PFKP: variants seen among roughly 807,000 people sequenced by gnomAD.
PFKP encodes phosphofructokinase, platelet.
In PFKP, 101 loss-of-function variants were observed where a neutral mutation model predicts 94.3. The ratio of observed to expected loss-of-function variants is 1.07; its 90% CI spans 0.91 to 1.26. The LOEUF is 1.26. PFKP is among the 50% of genes most tolerant of loss of function. The pLI is 0.00. For missense variants in PFKP, 1,145 were observed against 1,103.3 expected (o/e 1.04, Z -0.53); for synonymous variants, 573 against 432.6 (o/e 1.32, Z -4.03).
chr10:3,093,682 C>T (rs1419825935), intron 2 of PFKP, among the ~76,000 whole-genome samples: 3 of 128,700 alleles, frequency 2.3e-5, no homozygotes, highest in South Asian at 2.4e-4. Flanking sequence ...CTTGCTCTGT[C>T]ACCCAGGCTG....
intron 1 of PFKP, chr10:3,069,361 G>C (rs780328354): frequency 6.3e-7 from 1 of 1,590,382 alleles, no homozygotes; most frequent in East Asian, 2.3e-5. Flanking sequence ...CCTGGCCCGC[G>C]TGACTTAAAC....
At chr10:3,107,156 C>T (rs1554769062) in intron 7 of PFKP, 58 bp from the exon 8 acceptor site, 3 of 1,052,678 alleles carry the variant, frequency 2.8e-6, no homozygotes, top group Non-Finnish European at 4.5e-6. Flanking sequence ...GGTTTTGTTG[C>T]ATTTGTTGCT....
At chr10:3,082,128 G>A (rs1052663312) in intron 1 of PFKP, among the ~76,000 whole-genome samples, 6 of 151,946 alleles carry the variant, frequency 3.9e-5, no homozygotes, top group African/African-American at 1.5e-4. Flanking sequence ...CAGTTGAATG[G>A]AGTGGCCTAC....
intron 19 of PFKP, among the ~76,000 whole-genome samples, chr10:3,133,877 TTAAAC>T (rs1357273057): frequency 2.7e-5 from 4 of 150,448 alleles, no homozygotes; most frequent in African/African-American, 1.0e-4. Flanking sequence ...CTTATTCAAA[TTAAAC>T]ACTTCATCAA....
chr10:3,082,743 C>T lies in PFKP; in HGVS notation c.186+282C>T, dbSNP rs184743898. Among the ~76,000 whole-genome samples the T allele has an allele frequency of 1.1e-3, 160 of 152,212 alleles. 1 individual carries two copies. The East Asian group carries it at 0.025, about 24-fold the overall frequency. On this transcript the variant is annotated intron_variant, in intron 2 of 21. Coordinates refer to ENST00000381125, the MANE Select transcript of PFKP (RefSeq NM_002627.5). ...TTTTTTCTTTTTTTTCTTTTTTAGACAGTCTTGCTCTGTTGTCCAGGCTGG... is the reference window on the plus strand; with the variant it reads ...TTTTTTCTTTTTTTTCTTTTTTAGATAGTCTTGCTCTGTTGTCCAGGCTGG...
In PFKP at chr10:3,112,255, A is replaced by T. The variant is rs1442742033; in HGVS notation, c.1123A>T (p.Arg375Ter). 1 of 1,613,954 alleles carries T rather than the reference A, an allele frequency of 6.2e-7. No individual in the cohort carries two copies. Among genetic ancestry groups the T allele is most frequent in the Non-Finnish European group, 8.5e-7 (1 of 1,179,836 alleles). ...QDVQKAMDER[R>*]FQDAVRLRGR... ...TGTGCAGAAGGCGATGGACGAGAGG[A>T]GATTTCAAGATGCGGTTCGACTCCG... Residue 375 changes from arginine (R) to a stop codon, truncating the protein, a stop_gained, in exon 11 of 22, where the codon AGA (arginine) becomes TGA (stop). Transcript: ENST00000381125. LOFTEE classifies it high-confidence loss of function.
intron 3 of PFKP, among the ~76,000 whole-genome samples, chr10:3,100,081 G>T (rs1388779285): frequency 1.3e-5 from 2 of 150,140 alleles, no homozygotes; most frequent in African/African-American, 4.9e-5. Context: ...GTGTGTGTGT[G>T]TGTGAAAGAG....
At chr10:3,133,507 T>C (rs553396101) in intron 19 of PFKP, among the ~76,000 whole-genome samples, 193 bp downstream of exon 19, 1 of 152,364 alleles carries the variant, frequency 6.6e-6, no homozygotes, top group South Asian at 2.1e-4. Flanking sequence ...CTTGGCTCAC[T>C]GCAACCTCCA....
rs542759470 is a variant in PFKP at position 3,135,663 on chromosome 10, C to T, written c.2123-73C>T. ...TTCTGAGGAATCTCAGTTCTCATCT[C>T]GCCCCGTGATTCTGCTCCCCCACCT... On this transcript the variant is annotated intron_variant, in intron 20 of 21. Coordinates refer to ENST00000381125, the MANE Select transcript of PFKP (RefSeq NM_002627.5). The T allele has an allele frequency of 8.6e-5, 77 of 892,250 alleles. 1 individual carries two copies. Among genetic ancestry groups the T allele is most frequent in the East Asian group, 2.6e-4 (10 of 38,344 alleles). 55.3% of individuals were successfully genotyped at this position (892,250 alleles called of 1,614,324 possible). A position where few individuals can be genotyped will look rare whatever the true frequency, so the allele number is the denominator to read the frequency against.
intron 16 of PFKP, among the ~76,000 whole-genome samples, chr10:3,122,495 G>A (rs1208691831): frequency 6.6e-6 from 1 of 152,224 alleles, no homozygotes; most frequent in Non-Finnish European, 1.5e-5. Flanking sequence ...GAGAAGGTTT[G>A]GATTTGGGTC....
rs80179526 is a variant in PFKP at position 3,073,502 on chromosome 10, G to T, written c.112+5795G>T. ...CTCCGACTCTCACGGGGAGGGCACC[G>T]GTGCTGCTGGACCCCCTGGGGCCAG... On this transcript the variant is annotated intron_variant, in intron 1 of 21. Coordinates refer to ENST00000381125, the MANE Select transcript of PFKP (RefSeq NM_002627.5). Among the ~76,000 whole-genome samples, 916 of 151,882 alleles carry T rather than the reference G, an allele frequency of 6.0e-3. 34 individuals carry two copies. The East Asian group carries it at 0.092, about 15-fold the overall frequency.
At chr10:3,133,067 G>C (rs1838782303) in intron 18 of PFKP, 136 bp from the exon 19 acceptor site, 1 of 695,736 alleles carries the variant, frequency 1.4e-6, no homozygotes, top group Admixed American at 2.0e-5. Flanking sequence ...CCGTGAACTG[G>C]AGGGACTGGT....
intron 2 of PFKP, among the ~76,000 whole-genome samples, chr10:3,084,750 AG>A: frequency 7.7e-6 from 1 of 129,184 alleles, no homozygotes; most frequent in Non-Finnish European, 1.7e-5. Context: ...AGAGTCCTCC[AG>A]CCCCTCCCCA....
chr10:3,104,799 A>G, intron 5 of PFKP: 1 of 433,522 alleles, frequency 2.3e-6, no homozygotes, highest in African/African-American at 2.0e-5. Context: ...GTATCTGGGA[A>G]AGAGCCCAGC....
intron 3 of PFKP, 87 bp downstream of exon 3, chr10:3,099,439 A>G (rs555186219): frequency 4.8e-6 from 5 of 1,049,946 alleles, no homozygotes; most frequent in Non-Finnish European, 7.4e-6. Context: ...AGCTCAGATC[A>G]GTTGCGAAAT....
rs755576016 is a variant in PFKP at position 3,133,885 on chromosome 10, TTCA to T, written c.2022+575_2022+577del. 9.2e-5 allele frequency among the ~76,000 whole-genome samples: 14 copies of T among 152,312 alleles called. No individual in the cohort carries two copies. The East Asian group carries it at 9.6e-4, about 10-fold the overall frequency. ...GGAAATGCTTATTCAAATTAAACAC[TTCA>T]TCAAGTTAAAAACTGGAGCTTCCCT... On this transcript the variant is annotated intron_variant, in intron 19 of 21. Coordinates refer to ENST00000381125, the MANE Select transcript of PFKP (RefSeq NM_002627.5).
At chr10:3,086,247 A>G (rs947634331) in intron 2 of PFKP, among the ~76,000 whole-genome samples, 1 of 152,070 alleles carries the variant, frequency 6.6e-6, no homozygotes, top group Non-Finnish European at 1.5e-5. Context: ...TTGTGTGTTG[A>G]GTGGAAGTTA....
intron 17 of PFKP, among the ~76,000 whole-genome samples, chr10:3,132,110 C>G (rs1838653268): frequency 6.6e-6 from 1 of 152,140 alleles, no homozygotes; most frequent in Non-Finnish European, 1.5e-5. Context: ...ACGGAATTAC[C>G]ATTTTCAGAG....
chr10:3,104,879 C>T (rs570228494), intron 5 of PFKP: 7 of 598,596 alleles, frequency 1.2e-5, no homozygotes, highest in Admixed American at 3.0e-5. Context: ...AACTGGAGAG[C>T]GCAGAGGTGG....
Sources: allele counts gnomAD v4.1 joint callset (sites outside exome capture counted in the v4.1 genomes callset), GRCh38; gene constraint gnomAD v4.1.1; transcripts MANE v1.5; gene names NCBI Gene and HGNC (gene_info 2026-07-23, HGNC 2026-07-21).